Variants in TMCC3 observed in about 807,000 individuals in gnomAD.
TMCC3 encodes transmembrane and coiled-coil domain protein 3.
TMCC3 carries 28 observed loss-of-function variants against 40.2 expected under a neutral mutation model. That is an observed-to-expected ratio of 0.70 (90% CI 0.52 to 0.95). The LOEUF (loss-of-function observed/expected upper bound fraction) is 0.95, where lower values mean the gene tolerates loss of function less well. Among genes scored for constraint, TMCC3 ranks in the 40% least tolerant of loss-of-function variants. The pLI is 0.00. For synonymous variants in TMCC3, 255 were observed against 248.5 expected, an observed-to-expected ratio of 1.03 and a Z score of -0.25; for missense variants, 554 against 615.2, an observed-to-expected ratio of 0.90 and a Z score of 1.05.
At chr12:94,578,551 T>G (rs765095710) in intron 2 of TMCC3, 22 bp from the exon 3 acceptor site, 9 of 1,606,684 alleles carry the variant, frequency 5.6e-6, no homozygotes, top group Non-Finnish European at 7.7e-6. Context: ...AGGAGCCGAT[T>G]CCCAGTGTGA....
At chr12:94,601,808 C>CAAAAAAAAAAAAAA (rs61372290) in intron 1 of TMCC3, among the ~76,000 whole-genome samples, 55 of 76,682 alleles carry the variant, frequency 7.2e-4, no homozygotes, top group Non-Finnish European at 9.1e-4. Context: ...GACCTGGTCT[C>CAAAAAAAAAAAAAA]AAAAAAAAAA....
chr12:94,649,541 G>T (rs889920001), intron 1 of TMCC3, among the ~76,000 whole-genome samples: 1 of 152,226 alleles, frequency 6.6e-6, no homozygotes, highest in African/African-American at 2.4e-5. Flanking sequence ...ATCAGCCCTG[G>T]GGAGAACGGG....
At chr12:94,599,675 TC>T (rs1265052329) in intron 1 of TMCC3, among the ~76,000 whole-genome samples, 3 of 151,970 alleles carry the variant, frequency 2.0e-5, no homozygotes, top group Non-Finnish European at 4.4e-5. Context: ...CTTTACATTC[TC>T]AACAGCCAGC....
chr12:94,613,732 G>T (rs901644007), intron 1 of TMCC3: 1 of 152,036 alleles, frequency 6.6e-6, no homozygotes, highest in African/African-American at 2.4e-5. Flanking sequence ...ACGTACAGGG[G>T]TGTTTCATGT....
At chr12:94,585,157 C>T (rs1302600962) in intron 1 of TMCC3, among the ~76,000 whole-genome samples, 1 of 152,092 alleles carries the variant, frequency 6.6e-6, no homozygotes, top group Non-Finnish European at 1.5e-5. Context: ...CTAATGGCTA[C>T]TAAATGAAAT....
rs774529733 is a variant in TMCC3, at chr12:94,578,444, T to C, written c.1081A>G (p.Ile361Val). 1 of 1,614,190 alleles carries C rather than the reference T, an allele frequency of 6.2e-7. No homozygotes were observed. Among genetic ancestry groups the C allele is most frequent in the Middle Eastern group, 1.6e-4 (1 of 6,062 alleles). ...TANLKQELAS[I>V]EEKVAYQAYE... is the part of the protein sequence containing the mutation. ...GCCTGGTAGGCCACCTTCTCCTCAA[T>C]GCTGGCCAGCTCCTGCTTCAGGTTG... Residue 361 changes from isoleucine (I) to valine (V), a missense_variant, in exon 3 of 4, where the codon ATT becomes GTT. Transcript: ENST00000261226.
intron 1 of TMCC3, among the ~76,000 whole-genome samples, chr12:94,631,651 C>T (rs545335316): frequency 1.3e-5 from 2 of 152,184 alleles, no homozygotes; most frequent in Non-Finnish European, 2.9e-5. Context: ...GTCTGGGATA[C>T]TTTGTCAAAG....
intron 3 of TMCC3, among the ~76,000 whole-genome samples, chr12:94,577,984 T>C (rs1215988044): frequency 1.3e-5 from 2 of 150,894 alleles, no homozygotes. Context: ...CCGTCTCTAC[T>C]AAAAATACAA....
At chr12:94,626,358 A>C (rs1408427522) in intron 1 of TMCC3, among the ~76,000 whole-genome samples, 1 of 152,192 alleles carries the variant, frequency 6.6e-6, no homozygotes, top group Non-Finnish European at 1.5e-5. Context: ...TCTTCAAACA[A>C]ACATTTTTCA....
At chr12:94,583,482 T>C (rs545579722) in intron 1 of TMCC3, among the ~76,000 whole-genome samples, 3 of 152,134 alleles carry the variant, frequency 2.0e-5, no homozygotes, top group South Asian at 2.1e-4. Context: ...CTATCTAGAC[T>C]GGGCAACAGA....
At chr12:94,578,556 G>T (rs1425457753) in intron 2 of TMCC3, 27 bp from the exon 3 acceptor site, 1 of 1,604,156 alleles carries the variant, frequency 6.2e-7, no homozygotes, top group Non-Finnish European at 8.5e-7. Context: ...CCGATTCCCA[G>T]TGTGACCTTT....
At chr12:94,600,803 G>A (rs1461628653) in intron 1 of TMCC3, among the ~76,000 whole-genome samples, 1 of 152,064 alleles carries the variant, frequency 6.6e-6, no homozygotes, top group Non-Finnish European at 1.5e-5. Flanking sequence ...ATACTGTTAG[G>A]TGGGTTCCTC....
At chr12:94,605,527 T>G (rs903019456) in intron 1 of TMCC3, among the ~76,000 whole-genome samples, 4 of 152,158 alleles carry the variant, frequency 2.6e-5, no homozygotes, top group Non-Finnish European at 4.4e-5. Flanking sequence ...TAAGCATCAT[T>G]TGAAGCTAAG....
intron 1 of TMCC3, among the ~76,000 whole-genome samples, chr12:94,597,164 T>TATATATATATAA (rs1488070684): frequency 1.2e-4 from 11 of 90,454 alleles, no homozygotes; most frequent in East Asian, 3.6e-4. Context: ...TATATGTATA[T>TATATATATATAA]AAATTAGCCA....
intron 1 of TMCC3, among the ~76,000 whole-genome samples, chr12:94,607,747 T>C (rs888980136): frequency 1.3e-5 from 2 of 152,204 alleles, no homozygotes; most frequent in African/African-American, 4.8e-5. Context: ...GATTGCTAAC[T>C]ACATAACAGT....
At chr12:94,619,823 A>G (rs2068865899) in intron 1 of TMCC3, among the ~76,000 whole-genome samples, 1 of 152,330 alleles carries the variant, frequency 6.6e-6, no homozygotes. Context: ...TAAATAATAG[A>G]TATGTATATT....
chr12:94,598,814 A>C (rs1176506025), intron 1 of TMCC3: 10 of 961,308 alleles, frequency 1.0e-5, no homozygotes, highest in Non-Finnish European at 1.1e-5. Context: ...AGAAACGACA[A>C]AGAAATAAAA....
intron 1 of TMCC3, chr12:94,613,967 TGCCTG>T (rs1216936340): frequency 6.6e-6 from 1 of 151,682 alleles, no homozygotes; most frequent in African/African-American, 2.4e-5. Flanking sequence ...TGGTGGTGGG[TGCCTG>T]TGGTCCCAGC....
chr12:94,606,055 G>A (rs2068780976), intron 1 of TMCC3, among the ~76,000 whole-genome samples: 1 of 152,130 alleles, frequency 6.6e-6, no homozygotes, highest in Non-Finnish European at 1.5e-5. Flanking sequence ...GTAGGGGGGT[G>A]GATAGAAGGC....
Sources: allele counts gnomAD v4.1 joint callset (sites outside exome capture counted in the v4.1 genomes callset), GRCh38; gene constraint gnomAD v4.1.1; transcripts MANE v1.5; gene names NCBI Gene and HGNC (gene_info 2026-07-23, HGNC 2026-07-21).